TCTN1: variants seen among roughly 807,000 people sequenced by gnomAD.
TCTN1 encodes tectonic-1.
In TCTN1, 58 loss-of-function variants were observed where a neutral mutation model predicts 65.8. The ratio of observed to expected loss-of-function variants is 0.88; its 90% CI spans 0.71 to 1.10. TCTN1 has a LOEUF of 1.10. Among genes scored for constraint, TCTN1 ranks in the 50% least tolerant of loss-of-function variants. The pLI is 0.00. For synonymous variants in TCTN1, 273 were observed against 289.1 expected (o/e 0.94, Z 0.57); for missense variants, 645 against 719.4 (o/e 0.90, Z 1.18).
Position 110,647,351 on chromosome 12 carries a change from G to C in TCTN1, c.1635+15G>C. On this transcript the variant is annotated intron_variant, in intron 13 of 14. Coordinates refer to ENST00000397659, the MANE Select transcript of TCTN1 (RefSeq NM_001082538.3). ...CCTTTCCTGAGGTAGGCCTAACCTAGTTTAAAGGCATAGGTTAAGACAGAA... is the reference window on the plus strand; with the variant it reads ...CCTTTCCTGAGGTAGGCCTAACCTACTTTAAAGGCATAGGTTAAGACAGAA... The C allele has an allele frequency of 6.2e-7, 1 of 1,614,094 alleles. No homozygotes were observed. The highest frequency in any genetic ancestry group is 8.5e-7 in the Non-Finnish European group (1 of 1,179,998).
chr12:110,618,390 G>A (rs1012011558), intron 1 of TCTN1, among the ~76,000 whole-genome samples: 44 of 152,142 alleles, frequency 2.9e-4, no homozygotes, highest in Admixed American at 8.5e-4. Flanking sequence ...ACAGGTGCCC[G>A]CCACCACACC....
intron 2 of TCTN1, among the ~76,000 whole-genome samples, chr12:110,625,173 T>G (rs1449425397): frequency 6.6e-6 from 1 of 152,250 alleles, no homozygotes. Context: ...TTTGTAAAGT[T>G]CACTGACATA....
chr12:110,634,197 A>G (rs893102960), intron 5 of TCTN1, among the ~76,000 whole-genome samples: 2 of 152,170 alleles, frequency 1.3e-5, no homozygotes, highest in African/African-American at 4.8e-5. Context: ...TTACACACAT[A>G]TTTGTTTTTA....
In TCTN1 at chr12:110,646,964, T is replaced by C; in HGVS notation, c.1495-232T>C. Reference sequence around the variant, plus strand: ...GCAGTTTCAGGTGATGTCGGCATTTTTAGAAATAGGAGGAGATGGAAAAAT... The same window carrying C: ...GCAGTTTCAGGTGATGTCGGCATTTCTAGAAATAGGAGGAGATGGAAAAAT... On this transcript the variant is annotated intron_variant, in intron 12 of 14. Transcript: ENST00000397659. The C allele has an allele frequency of 5.6e-6, 3 of 531,934 alleles. No individual in the cohort carries two copies. In the South Asian group the frequency reaches 6.2e-5, roughly 11 times the overall value. The allele number at this position is 531,934 out of a possible 1,614,324, so 33.0% of individuals were successfully genotyped here.
intron 6 of TCTN1, among the ~76,000 whole-genome samples, chr12:110,635,259 G>C (rs2066482392): frequency 6.6e-6 from 1 of 152,168 alleles, no homozygotes; most frequent in African/African-American, 2.4e-5. Context: ...CTTCTCTCTG[G>C]TTACAGTGAC....
intron 7 of TCTN1, among the ~76,000 whole-genome samples, chr12:110,638,492 A>G (rs1463235038): frequency 6.6e-6 from 1 of 152,226 alleles, no homozygotes; most frequent in African/African-American, 2.4e-5. Flanking sequence ...GCCATCAGTG[A>G]AAGATTCCAG....
At chr12:110,627,351 C>A (rs1593273904) in intron 3 of TCTN1, among the ~76,000 whole-genome samples, 1 of 152,142 alleles carries the variant, frequency 6.6e-6, no homozygotes, top group Non-Finnish European at 1.5e-5. Context: ...CCTGCCTCGG[C>A]CTCTCAAAAT....
rs1394526689 is a variant in TCTN1, at chr12:110,614,182, G to C, written c.-1G>C. On this transcript the variant is annotated 5_prime_UTR_variant, in exon 1 of 15. Coordinates refer to ENST00000397659, the MANE Select transcript of TCTN1 (RefSeq NM_001082538.3). ...CGGGCCTCGCTGGGACTCCCTGGGAGATGAGGCCGCGAGGTCTCCCGCCGC... is the reference window on the plus strand; with the variant it reads ...CGGGCCTCGCTGGGACTCCCTGGGACATGAGGCCGCGAGGTCTCCCGCCGC... 2 of 1,551,494 alleles carry C rather than the reference G, an allele frequency of 1.3e-6. No homozygotes were observed. The highest frequency in any genetic ancestry group is 2.4e-5 in the East Asian group (1 of 41,610).
rs574021781 is a variant in TCTN1 at position 110,624,225 on chromosome 12, A to G, written c.342-2137A>G. On this transcript the variant is annotated intron_variant, in intron 2 of 14. Transcript: ENST00000397659. ...GCGTGAGCCACTGTGCCCAGCCTCTATGTTTTTTTGAGATAGGTCTTGCTC... is the reference window on the plus strand; with the variant it reads ...GCGTGAGCCACTGTGCCCAGCCTCTGTGTTTTTTTGAGATAGGTCTTGCTC... 3.5e-4 allele frequency among the ~76,000 whole-genome samples: 53 copies of G among 149,892 alleles called. No homozygotes were observed. The South Asian group carries it at 4.4e-3, about 13-fold the overall frequency.
At position 110,645,024 on chromosome 12, in the gene TCTN1, G is replaced by C. The variant is rs1176814665; in HGVS notation, c.1389G>C (p.Trp463Cys). Residue 463 changes from tryptophan to cysteine, a missense_variant, in exon 12 of 15, where the codon TGG (tryptophan) becomes TGC (cysteine). Physicochemically the swap from Trp to Cys is radical, Grantham distance 215 (BLOSUM62 -2). Transcript: ENST00000397659. ...LVAQKVKSLL[W>C]GQGFPDYVAP... ...CACAGAAGGTGAAGAGCCTGCTGTG[G>C]GGCCAGGGCTTCCCAGATTACGTGG... The C allele has an allele frequency of 2.5e-6, 4 of 1,614,204 alleles. No individual in the cohort carries two copies. The highest frequency in any genetic ancestry group is 3.4e-6 in the Non-Finnish European group (4 of 1,180,034).
intron 2 of TCTN1, among the ~76,000 whole-genome samples, chr12:110,621,780 C>G (rs1193506652): frequency 6.6e-6 from 1 of 150,656 alleles, no homozygotes; most frequent in African/African-American, 2.4e-5. Flanking sequence ...CCTGGAAGAT[C>G]TCTTTTCTCC....
Position 110,619,967 on chromosome 12 carries a change from G to T in TCTN1, c.341+11G>T. 1.9e-6 allele frequency: 3 copies of T among 1,614,118 alleles called. No homozygotes were observed. The highest frequency in any genetic ancestry group is 2.5e-6 in the Non-Finnish European group (3 of 1,180,024). ...AGTTCCAGTTGTCACGTAAGTTTAC[G>T]TATGACACATGCAATTTTGAAAAAA... On this transcript the variant is annotated intron_variant, in intron 2 of 14. Transcript: ENST00000397659.
intron 5 of TCTN1, 70 bp downstream of exon 5, chr12:110,632,629 C>T (rs770471504): frequency 2.7e-5 from 42 of 1,544,204 alleles, no homozygotes; most frequent in African/African-American, 6.8e-5. Context: ...AAAGTAGTTG[C>T]GGTTTTTGCC....
In TCTN1 at chr12:110,616,268, T is replaced by G. The variant is rs1565949254; in HGVS notation, c.220+1866T>G. On this transcript the variant is annotated intron_variant, in intron 1 of 14. Transcript: ENST00000397659. The stretch of plus-strand genomic sequence containing the variant: ...CCTCACACTTTATTTTTTTTTTTTT[T>G]GGTCACAGGGTCTCACTCTGTCACT... 3 of 448,268 alleles carry G rather than the reference T, an allele frequency of 6.7e-6. No individual in the cohort carries two copies. In the Admixed American group the frequency reaches 7.2e-5, roughly 11 times the overall value. The allele number at this position is 448,268 out of a possible 1,614,324, so 27.8% of individuals were successfully genotyped here.
rs1220712894 is a variant in TCTN1, at chr12:110,642,394, A to C, written c.1331+5A>C. 1.9e-6 allele frequency: 3 copies of C among 1,614,202 alleles called. No homozygotes were observed. Among genetic ancestry groups the C allele is most frequent in the Non-Finnish European group, 2.5e-6 (3 of 1,180,030 alleles). ...GCAATCTGGCTGTAAACTAAGGTAA[A>C]AGAGTCACTTGTTTCTGTTTGAACT... is the stretch of plus-strand genomic sequence containing the variant. On this transcript the variant is annotated splice_donor_5th_base_variant and intron_variant, in intron 11 of 14. Coordinates refer to ENST00000397659, the MANE Select transcript of TCTN1 (RefSeq NM_001082538.3).
rs1483745646 is a variant in TCTN1 at position 110,647,830 on chromosome 12, T to C, written c.1717T>C (p.Phe573Leu). 1.9e-6 allele frequency: 3 copies of C among 1,614,210 alleles called. No individual in the cohort carries two copies. The highest frequency in any genetic ancestry group is 2.7e-5 in the African/African-American group (2 of 75,060). The change falls in exon 14 of 15, where the codon TTC becomes CTC. Residue 573 changes from phenylalanine to leucine, a missense_variant. By Grantham distance (22) the Phe-to-Leu change is conservative. Coordinates refer to ENST00000397659, the MANE Select transcript of TCTN1 (RefSeq NM_001082538.3). ...TGTGTCTGCACCTGCAGAGGCAGGC[T>C]TCAGAGCTCCACCAGCCATCAATGC... ...VDVSAPAEAGFRAPPAINARL... is the reference protein window; with the variant it reads ...VDVSAPAEAGLRAPPAINARL...
At chr12:110,645,167 T>C in intron 12 of TCTN1, 38 bp downstream of exon 12, 1 of 1,611,120 alleles carries the variant, frequency 6.2e-7, no homozygotes, top group Non-Finnish European at 8.5e-7. Flanking sequence ...GCTAGTGGTC[T>C]CTGTCTTCCA....
chr12:110,632,448 G>A, intron 4 of TCTN1, 24 bp from the exon 5 acceptor site: 3 of 1,612,232 alleles, frequency 1.9e-6, no homozygotes, highest in Non-Finnish European at 1.7e-6. Context: ...ACACCATAAC[G>A]ACTGTTGGTT....
At chr12:110,634,878 T>C in intron 6 of TCTN1, 99 bp downstream of exon 6, 1 of 874,706 alleles carries the variant, frequency 1.1e-6, no homozygotes, top group South Asian at 1.5e-5. Flanking sequence ...CAGTACATGA[T>C]TGACACTCGA....
Sources: gnomAD v4.1 joint callset for allele counts (sites outside exome capture counted in the v4.1 genomes callset) on GRCh38, gnomAD v4.1.1 for gene constraint, MANE v1.5 for transcripts, NCBI Gene and HGNC (gene_info 2026-07-23, HGNC 2026-07-21) for gene names.